ADAMTS17: variants seen among roughly 807,000 people sequenced by gnomAD.
ADAMTS17 encodes A disintegrin and metalloproteinase with thrombospondin motifs 17.
In ADAMTS17, 113 loss-of-function variants were observed where a neutral mutation model predicts 141.5. That is an observed-to-expected ratio of 0.80 (90% CI 0.69 to 0.93). ADAMTS17 has a LOEUF of 0.93. Among genes scored for constraint, ADAMTS17 ranks in the 40% least tolerant of loss-of-function variants. The pLI is 0.00. For synonymous variants in ADAMTS17, 768 were observed against 630.6 expected (o/e 1.22, Z -3.27); for missense variants, 1,659 against 1,517.9 (o/e 1.09, Z -1.54).
chr15:100,261,958 A>G (rs1428726202), intron 5 of ADAMTS17, among the ~76,000 whole-genome samples: 2 of 152,144 alleles, frequency 1.3e-5, no homozygotes, highest in South Asian at 4.1e-4. Context: ...AGGTAACATC[A>G]GCATGTGGGA....
chr15:100,185,537 G>A lies in ADAMTS17; in HGVS notation c.1181+13781C>T, dbSNP rs1596219186. 2.0e-5 allele frequency among the ~76,000 whole-genome samples: 3 copies of A among 152,200 alleles called. No homozygotes were observed. In the East Asian group the frequency reaches 5.8e-4, roughly 29 times the overall value. The stretch of plus-strand genomic sequence containing the variant: ...TCCACTTCAACCCCTAAGCCAGAAG[G>A]CAGCATCTTTGTGCAAACTCGCCAG... On this transcript the variant is annotated intron_variant, in intron 8 of 21. Transcript: ENST00000268070.
At position 100,232,510 on chromosome 15, in the gene ADAMTS17, C is replaced by CTT. The variant is rs566124095; in HGVS notation, c.1075+21624_1075+21625dup. ...TGACACATCCTCCCAGTAAACCCAC[C>CTT]TTCTTCTTAACATGAAACACGCTGG... On this transcript the variant is annotated intron_variant, in intron 7 of 21. Coordinates refer to ENST00000268070, the MANE Select transcript of ADAMTS17 (RefSeq NM_139057.4). 2.2e-3 allele frequency among the ~76,000 whole-genome samples: 341 copies of CTT among 152,352 alleles called. 1 individual carries two copies. Among genetic ancestry groups the CTT allele is most frequent in the African/African-American group, 6.7e-3 (277 of 41,582 alleles).
intron 4 of ADAMTS17, among the ~76,000 whole-genome samples, chr15:100,277,078 A>G (rs2044123351): frequency 6.6e-6 from 1 of 152,140 alleles, no homozygotes; most frequent in South Asian, 2.1e-4. Flanking sequence ...GGCTTGGATC[A>G]AAAGGCCCCG....
chr15:100,265,545 G>A (rs1317083586), intron 4 of ADAMTS17, among the ~76,000 whole-genome samples: 1 of 152,192 alleles, frequency 6.6e-6, no homozygotes, highest in Non-Finnish European at 1.5e-5. Context: ...GCACACTACG[G>A]CTTCTCTGGC....
chr15:100,324,024 C>CAA (rs35999702), intron 3 of ADAMTS17, among the ~76,000 whole-genome samples: 36,211 of 132,866 alleles, frequency 0.27, 5,246 homozygotes, highest in Non-Finnish European at 0.35. Flanking sequence ...TCCTTTCTCT[C>CAA]AAAAAAAAAA....
chr15:100,199,259 A>C (rs1350705144), intron 8 of ADAMTS17, 59 bp downstream of exon 8: 4 of 1,479,704 alleles, frequency 2.7e-6, no homozygotes, highest in Non-Finnish European at 3.8e-6. Context: ...ATTCAAGTGA[A>C]AAATCTGCAC....
chr15:100,304,748 G>A (rs891116368), intron 3 of ADAMTS17, among the ~76,000 whole-genome samples: 3 of 152,138 alleles, frequency 2.0e-5, no homozygotes, highest in Non-Finnish European at 2.9e-5. Flanking sequence ...GTAGCAGACT[G>A]TAGTACAGTT....
chr15:100,275,332 C>T (rs924341556), intron 4 of ADAMTS17, among the ~76,000 whole-genome samples: 32 of 152,168 alleles, frequency 2.1e-4, no homozygotes, highest in African/African-American at 7.0e-4. Flanking sequence ...CCATCCAATG[C>T]AAGGGGAAGC....
chr15:100,258,828 A>T (rs1291697637), intron 6 of ADAMTS17, among the ~76,000 whole-genome samples: 1 of 151,898 alleles, frequency 6.6e-6, no homozygotes, highest in Non-Finnish European at 1.5e-5. Flanking sequence ...GTGAAAAATG[A>T]AAAGAAAGTC....
At chr15:99,978,611 G>A (rs2060417597) in intron 20 of ADAMTS17, 1 of 152,262 alleles carries the variant, frequency 6.6e-6, no homozygotes, top group Admixed American at 6.5e-5. Context: ...TCAGGCGCAT[G>A]GAAGTTTGAG....
chr15:100,121,232 A>C (rs1402844409), intron 12 of ADAMTS17, among the ~76,000 whole-genome samples: 1 of 152,246 alleles, frequency 6.6e-6, no homozygotes, highest in Non-Finnish European at 1.5e-5. Flanking sequence ...GAGTGGATCA[A>C]TGTAGGTACT....
chr15:100,181,594 T>C (rs1365844190), intron 8 of ADAMTS17, among the ~76,000 whole-genome samples: 1 of 152,204 alleles, frequency 6.6e-6, no homozygotes, highest in Non-Finnish European at 1.5e-5. Flanking sequence ...GCTAAGTGTG[T>C]GTCTAGAATT....
intron 6 of ADAMTS17, among the ~76,000 whole-genome samples, chr15:100,259,464 C>T (rs756849618): frequency 2.6e-5 from 4 of 152,210 alleles, no homozygotes; most frequent in African/African-American, 4.8e-5. Context: ...TTGGGGAGGG[C>T]GGTGCCTGAA....
chr15:100,054,226 G>T (rs1377120197), intron 15 of ADAMTS17, among the ~76,000 whole-genome samples, 172 bp from the exon 16 acceptor site: 1 of 152,180 alleles, frequency 6.6e-6, no homozygotes, highest in African/African-American at 2.4e-5. Flanking sequence ...GAGAACAAAA[G>T]CCTGGATCGC....
Position 100,080,877 on chromosome 15 carries a change from TA to T in ADAMTS17, c.2137+15478del, listed in dbSNP as rs1436892146. On this transcript the variant is annotated intron_variant, in intron 15 of 21. Coordinates refer to ENST00000268070, the MANE Select transcript of ADAMTS17 (RefSeq NM_139057.4). ...TGTACGAAGGATAGCTGTAGTATGT[TA>T]GGGGTAATTATGACCTTATTATTGT... Among the ~76,000 whole-genome samples the T allele has an allele frequency of 1.1e-4, 17 of 152,326 alleles. No homozygotes were observed. The South Asian group carries it at 1.7e-3, about 15-fold the overall frequency.
chr15:100,052,563 G>A (rs150735574), intron 16 of ADAMTS17, among the ~76,000 whole-genome samples: 29 of 152,324 alleles, frequency 1.9e-4, no homozygotes, highest in African/African-American at 6.7e-4. Flanking sequence ...GGTGAAAAGG[G>A]AAATACATTC....
intron 9 of ADAMTS17, among the ~76,000 whole-genome samples, chr15:100,153,385 A>C (rs1053890862): frequency 1.3e-5 from 2 of 152,128 alleles, no homozygotes; most frequent in African/African-American, 4.8e-5. Flanking sequence ...TCACACCAGT[A>C]ATCCCAGCAC....
chr15:100,291,562 T>G (rs866179247), intron 3 of ADAMTS17, among the ~76,000 whole-genome samples: 1 of 152,142 alleles, frequency 6.6e-6, no homozygotes, highest in Non-Finnish European at 1.5e-5. Context: ...CACAGCACGA[T>G]TCACAATAGC....
intron 10 of ADAMTS17, among the ~76,000 whole-genome samples, chr15:100,139,702 G>A (rs1405564425): frequency 6.6e-6 from 1 of 152,168 alleles, no homozygotes; most frequent in Non-Finnish European, 1.5e-5. Flanking sequence ...TCCCAATAAC[G>A]CGGAACCTCA....
Sources: gnomAD v4.1 joint callset for allele counts (sites outside exome capture counted in the v4.1 genomes callset) on GRCh38, gnomAD v4.1.1 for gene constraint, MANE v1.5 for transcripts, NCBI Gene and HGNC (gene_info 2026-07-23, HGNC 2026-07-21) for gene names.